UNC13B: variants seen among roughly 807,000 people sequenced by gnomAD.
UNC13B encodes unc-13 homolog B.
Under a neutral mutation model 211.0 loss-of-function variants are expected in UNC13B, and 144 were observed. The observed-to-expected ratio is 0.68, with a 90% CI of 0.60 to 0.78. The LOEUF (loss-of-function observed/expected upper bound fraction) is 0.78. Among genes scored for constraint, UNC13B ranks in the 30% least tolerant of loss-of-function variants. The probability of loss-of-function intolerance (pLI) is 0.00; values close to 1 mark genes in which losing one functional copy is unlikely to be tolerated. For synonymous variants in UNC13B, 709 were observed against 725.8 expected (o/e 0.98, Z 0.37); for missense variants, 1,777 against 2,002.0 (o/e 0.89, Z 2.14).
intron 7 of UNC13B, among the ~76,000 whole-genome samples, chr9:35,285,440 C>T (rs543960731): frequency 1.6e-4 from 25 of 152,198 alleles, no homozygotes; most frequent in African/African-American, 5.8e-4. Flanking sequence ...TAAAAGATGG[C>T]CAGGCACATG....
At chr9:35,164,463 A>G (rs1820931171) in intron 1 of UNC13B, among the ~76,000 whole-genome samples, 1 of 152,212 alleles carries the variant, frequency 6.6e-6, no homozygotes, top group Admixed American at 6.5e-5. Flanking sequence ...CTTCCTATGC[A>G]GAGTTCAAAA....
intron 33 of UNC13B, 26 bp downstream of exon 33, chr9:35,399,060 T>C: frequency 2.5e-6 from 4 of 1,613,558 alleles, no homozygotes; most frequent in Non-Finnish European, 3.4e-6. Flanking sequence ...AGGACTATCC[T>C]GTGGGGATGA....
intron 7 of UNC13B, among the ~76,000 whole-genome samples, chr9:35,289,634 A>C (rs1318070855): frequency 2.0e-5 from 3 of 152,176 alleles, no homozygotes; most frequent in Non-Finnish European, 4.4e-5. Context: ...TCTCAAGATC[A>C]TATAGCTAGT....
At chr9:35,326,171 G>A (rs1437073365) in intron 11 of UNC13B, among the ~76,000 whole-genome samples, 3 of 151,948 alleles carry the variant, frequency 2.0e-5, no homozygotes, top group African/African-American at 4.8e-5. Flanking sequence ...CATCCTAGTG[G>A]GTGTGAAGTG....
chr9:35,399,593 G>A lies in UNC13B; in HGVS notation c.12256-56G>A. 4.4e-6 allele frequency: 7 copies of A among 1,607,358 alleles called. No individual in the cohort carries two copies. The South Asian group carries it at 4.4e-5, about 10-fold the overall frequency. On this transcript the variant is annotated intron_variant, in intron 35 of 39. Coordinates refer to ENST00000635942, the MANE Select transcript of UNC13B (RefSeq NM_001371189.2). ...ATGCACTGGGGGCTGGCAGGTGGGT[G>A]CAAGACTTTCATGACTGCTGTGAGC...
At chr9:35,351,319 C>A in intron 11 of UNC13B, 1 of 1,218,476 alleles carries the variant, frequency 8.2e-7, no homozygotes, top group Non-Finnish European at 1.0e-6. Context: ...AGCCAGGATC[C>A]AGGGGCATGT....
intron 1 of UNC13B, among the ~76,000 whole-genome samples, chr9:35,185,067 T>G (rs1363136568): frequency 6.6e-6 from 1 of 152,202 alleles, no homozygotes; most frequent in Non-Finnish European, 1.5e-5. Flanking sequence ...GATCTCACTT[T>G]CTGTTTCCTA....
intron 13 of UNC13B, 114 bp downstream of exon 13, chr9:35,370,510 T>A (rs1357273408): frequency 2.1e-6 from 2 of 934,948 alleles, no homozygotes; most frequent in East Asian, 5.1e-5. Flanking sequence ...ATTGATCTGA[T>A]GATCAATCAT....
chr9:35,396,657 C>T (rs1410971738), intron 27 of UNC13B, 55 bp downstream of exon 27: 2 of 1,608,126 alleles, frequency 1.2e-6, no homozygotes, highest in Non-Finnish European at 1.7e-6. Flanking sequence ...GTGGGCAGGG[C>T]TAGTATCCCC....
In UNC13B at chr9:35,370,500, A is replaced by G. The variant is rs1277550678; in HGVS notation, c.9540+104A>G. 3.9e-6 allele frequency: 4 copies of G among 1,035,934 alleles called. No homozygotes were observed. The African/African-American group carries it at 6.3e-5, about 16-fold the overall frequency. The allele number at this position is 1,035,934 out of a possible 1,614,324, so 64.2% of individuals were successfully genotyped here. On this transcript the variant is annotated intron_variant, in intron 13 of 39. Transcript: ENST00000635942. ...GGAAGTCGTCCATTTAATGACTCAAATTGATCTGATGATCAATCATTTAAA... is the reference window on the plus strand; with the variant it reads ...GGAAGTCGTCCATTTAATGACTCAAGTTGATCTGATGATCAATCATTTAAA...
intron 1 of UNC13B, among the ~76,000 whole-genome samples, chr9:35,215,512 T>C (rs976771449): frequency 6.6e-6 from 1 of 152,158 alleles, no homozygotes; most frequent in Non-Finnish European, 1.5e-5. Context: ...CTGACAACAA[T>C]AGGATGTAAA....
chr9:35,294,744 A>G (rs1829264718), intron 7 of UNC13B, among the ~76,000 whole-genome samples: 1 of 152,186 alleles, frequency 6.6e-6, no homozygotes, highest in Non-Finnish European at 1.5e-5. Flanking sequence ...AACCCTGTTA[A>G]TCATACACAT....
intron 11 of UNC13B, among the ~76,000 whole-genome samples, chr9:35,329,061 T>G (rs527410153): frequency 1.3e-3 from 192 of 151,796 alleles, no homozygotes; most frequent in Middle Eastern, 3.4e-3. Flanking sequence ...GTGAGCCACC[T>G]CGCCCAGCCC....
intron 1 of UNC13B, among the ~76,000 whole-genome samples, chr9:35,211,532 T>C (rs1357425566): frequency 2.0e-5 from 3 of 152,226 alleles, no homozygotes; most frequent in Admixed American, 2.0e-4. Flanking sequence ...ATTCTAACAT[T>C]TTACTATTGC....
At position 35,302,936 on chromosome 9, in the gene UNC13B, A is replaced by G. The variant is rs1055189136; in HGVS notation, c.3532A>G (p.Asn1178Asp). ...LKNDDSHHKNNTPGLISGIFN... is the reference protein window; with the variant it reads ...LKNDDSHHKNDTPGLISGIFN... ...AAATGATGACTCCCATCACAAGAAT[A>G]ATACCCCAGGTTTAATCTCTGGAAT... Residue 1178 changes from asparagine (N) to aspartate (D), a missense_variant, in exon 9 of 40, where the codon AAT becomes GAT. Physicochemically the swap from Asn to Asp is conservative, Grantham distance 23. Transcript: ENST00000635942. The G allele has an allele frequency of 5.0e-6, 2 of 398,588 alleles. No individual in the cohort carries two copies. The highest frequency in any genetic ancestry group is 4.1e-5 in the African/African-American group (2 of 48,620). The allele number at this position is 398,588 out of a possible 1,614,324, so 24.7% of individuals were successfully genotyped here.
chr9:35,397,982 T>C (rs1297082880), intron 30 of UNC13B, among the ~76,000 whole-genome samples: 1 of 152,196 alleles, frequency 6.6e-6, no homozygotes, highest in Non-Finnish European at 1.5e-5. Flanking sequence ...CAGAAAGTTA[T>C]AAAGGATAAT....
chr9:35,243,543 A>T (rs2131557835), intron 6 of UNC13B, among the ~76,000 whole-genome samples, 179 bp downstream of exon 6: 1 of 152,198 alleles, frequency 6.6e-6, no homozygotes, highest in East Asian at 1.9e-4. Context: ...TTCCATCTCC[A>T]ATTTATTCTG....
At chr9:35,214,603 G>A (rs574354966) in intron 1 of UNC13B, among the ~76,000 whole-genome samples, 1 of 152,250 alleles carries the variant, frequency 6.6e-6, no homozygotes, top group East Asian at 1.9e-4. Context: ...GGGAGAAAGA[G>A]AGAGGCTGAG....
intron 7 of UNC13B, among the ~76,000 whole-genome samples, chr9:35,265,888 C>T (rs963267063): frequency 2.0e-5 from 3 of 152,106 alleles, no homozygotes; most frequent in African/African-American, 4.8e-5. Flanking sequence ...TGCAGTGACA[C>T]GATCTTGGCT....
Sources: gnomAD v4.1 joint callset for allele counts (sites outside exome capture counted in the v4.1 genomes callset) on GRCh38, gnomAD v4.1.1 for gene constraint, MANE v1.5 for transcripts, NCBI Gene and HGNC (gene_info 2026-07-23, HGNC 2026-07-21) for gene names.